Variants in POLR3H observed in about 807,000 individuals in gnomAD.
POLR3H encodes the protein RNA polymerase III subunit H, also known as DNA-directed RNA polymerase III subunit RPC8.
POLR3H carries 17 observed loss-of-function variants against 25.5 expected under a neutral mutation model. The ratio of observed to expected loss-of-function variants is 0.67; its 90% CI spans 0.46 to 1.00. The LOEUF (loss-of-function observed/expected upper bound fraction) is 1.00. POLR3H is among the 50% of genes least tolerant of loss of function. The probability of loss-of-function intolerance (pLI) is 0.00; values close to 1 mark genes in which losing one functional copy is unlikely to be tolerated. For missense variants in POLR3H, 274 were observed against 265.0 expected (o/e 1.03, Z -0.24); for synonymous variants, 129 against 103.0 (o/e 1.25, Z -1.53).
At position 41,526,884 on chromosome 22, in the gene POLR3H, G is replaced by T. The variant is rs992359581; in HGVS notation, c.*2399C>A. On this transcript the variant is annotated 3_prime_UTR_variant, in exon 6 of 6. Coordinates refer to ENST00000355209, the MANE Select transcript of POLR3H (RefSeq NM_001018050.4). The stretch of plus-strand genomic sequence containing the variant: ...CAAGTCCTGGCCCAGCCGGGTGAAA[G>T]GACTCTGGCACCCCCTGGTGGCTGG... 3.1e-6 allele frequency: 1 copy of T among 320,514 alleles called. No individual in the cohort carries two copies. Among genetic ancestry groups the T allele is most frequent in the Non-Finnish European group, 5.8e-6 (1 of 171,746 alleles). The allele number at this position is 320,514 out of a possible 1,614,324, so 19.9% of individuals were successfully genotyped here. A position where few individuals can be genotyped will look rare whatever the true frequency, so the allele number is the denominator to read the frequency against.
rs2066594586 is a variant in POLR3H, at chr22:41,526,290, T to TCTCAG, written c.*2988_*2992dup. The TCTCAG allele has an allele frequency of 6.2e-7, 1 of 1,612,290 alleles. No homozygotes were observed. Among genetic ancestry groups the TCTCAG allele is most frequent in the Non-Finnish European group, 8.5e-7 (1 of 1,180,018 alleles). ...AAAGGGAAGTGTACCACTGACCACA[T>TCTCAG]CTCAGCTGCTGGCCCCTGGCTCAAG... On this transcript the variant is annotated 3_prime_UTR_variant, in exon 6 of 6. Transcript: ENST00000355209.
At chr22:41,529,939 T>C (rs1177264945) in intron 5 of POLR3H, among the ~76,000 whole-genome samples, 3 of 151,562 alleles carry the variant, frequency 2.0e-5, no homozygotes, top group African/African-American at 7.3e-5. Flanking sequence ...GTATTTTTAG[T>C]AGAGATGGGG....
chr22:41,538,668 G>A (rs534002215), intron 2 of POLR3H, among the ~76,000 whole-genome samples: 2 of 152,124 alleles, frequency 1.3e-5, no homozygotes, highest in African/African-American at 4.8e-5. Context: ...GGCTCAGCTC[G>A]GCATCCTTCT....
upstream of POLR3H, chr22:41,544,531 C>A (rs1329995107): frequency 6.5e-6 from 1 of 153,208 alleles, no homozygotes; most frequent in African/African-American, 2.4e-5. Flanking sequence ...CCTCTGTCCA[C>A]CCCCACCCCG....
intron 2 of POLR3H, among the ~76,000 whole-genome samples, chr22:41,536,492 T>C (rs1601957191): frequency 6.6e-6 from 1 of 151,770 alleles, no homozygotes; most frequent in African/African-American, 2.4e-5. Context: ...AATGTTTAAA[T>C]TGGTAAATTT....
At position 41,544,357 on chromosome 22, in the gene POLR3H, GCCACGCCACT is replaced by G. The variant is rs977560575; in HGVS notation, c.-266_-257del. ...CGCCCGCGCCGCGAGACCCCGCCAC[GCCACGCCACT>G]CCACGCCACGCCACTCCACGCCCCG... On this transcript the variant is annotated 5_prime_UTR_variant, in exon 1 of 6. Transcript: ENST00000355209. 1 of 362,630 alleles carries G rather than the reference GCCACGCCACT, an allele frequency of 2.8e-6. No homozygotes were observed. The highest frequency in any genetic ancestry group is 5.0e-6 in the Non-Finnish European group (1 of 201,832). The allele number at this position is 362,630 out of a possible 1,614,324, so 22.5% of individuals were successfully genotyped here.
In POLR3H at chr22:41,527,472, G is replaced by C; in HGVS notation, c.*1811C>G. The C allele has an allele frequency of 1.3e-5, 20 of 1,561,064 alleles. No individual in the cohort carries two copies. The highest frequency in any genetic ancestry group is 1.6e-5 in the Non-Finnish European group (19 of 1,154,604). On this transcript the variant is annotated 3_prime_UTR_variant, in exon 6 of 6. Coordinates refer to ENST00000355209, the MANE Select transcript of POLR3H (RefSeq NM_001018050.4). Reference sequence around the variant, plus strand: ...TCCTCATCCCATCCCTAGTGATCAAGGTCACTCTCCCTGCCCGTGGCTGAG... The same window carrying C: ...TCCTCATCCCATCCCTAGTGATCAACGTCACTCTCCCTGCCCGTGGCTGAG...
rs1262048798 is a variant in POLR3H, at chr22:41,527,681, T to C, written c.*1602A>G. 2.5e-6 allele frequency: 2 copies of C among 802,022 alleles called. No homozygotes were observed. The highest frequency in any genetic ancestry group is 2.9e-5 in the Admixed American group (1 of 34,432). 49.7% of individuals were successfully genotyped at this position (802,022 alleles called of 1,614,324 possible). A position where few individuals can be genotyped will look rare whatever the true frequency, so the allele number is the denominator to read the frequency against. ...TGTGCCAGGGGGTTCTTTCTGATCA[T>C]GAATGTGCAGCAGGAAGGCCTCGCA... is the stretch of plus-strand genomic sequence containing the variant. On this transcript the variant is annotated 3_prime_UTR_variant, in exon 6 of 6. Transcript: ENST00000355209.
At chr22:41,543,617 T>C (rs956494830) in intron 1 of POLR3H, 3 of 374,560 alleles carry the variant, frequency 8.0e-6, no homozygotes, top group Admixed American at 3.5e-5. Context: ...CAAGACTCCG[T>C]CTCAAAAACA....
chr22:41,529,429 G>A (rs1320489988), intron 5 of POLR3H, 93 bp from the exon 6 acceptor site: 2 of 1,153,726 alleles, frequency 1.7e-6, no homozygotes, highest in Admixed American at 1.8e-5. Flanking sequence ...GCCCAGCACA[G>A]GCAAAGAAGA....
chr22:41,531,437 C>G (rs949994732), intron 4 of POLR3H, among the ~76,000 whole-genome samples: 2 of 152,254 alleles, frequency 1.3e-5, no homozygotes, highest in Non-Finnish European at 2.9e-5. Context: ...CAGGGCAGTC[C>G]CCCTTGGCTC....
Position 41,532,015 on chromosome 22 carries a change from G to A in POLR3H, c.359+79C>T, listed in dbSNP as rs971817206. The A allele has an allele frequency of 4.5e-6, 6 of 1,341,406 alleles. No individual in the cohort carries two copies. In the South Asian group the frequency reaches 5.9e-5, roughly 13 times the overall value. 83.1% of individuals were successfully genotyped at this position (1,341,406 alleles called of 1,614,324 possible). ...TGACATCAGGTTACAGGCCCCAAAG[G>A]CCACCCTAAGGAGTGGGGACCTTCC... On this transcript the variant is annotated intron_variant, in intron 4 of 5. Transcript: ENST00000355209.
chr22:41,532,580 C>A (rs1319671788), intron 3 of POLR3H, 79 bp downstream of exon 3: 2 of 1,610,710 alleles, frequency 1.2e-6, no homozygotes, highest in East Asian at 2.2e-5. Context: ...GAGCCCTCCC[C>A]TGACCATGTG....
At chr22:41,541,594 C>G (rs1315022891) in intron 1 of POLR3H, among the ~76,000 whole-genome samples, 1 of 152,256 alleles carries the variant, frequency 6.6e-6, no homozygotes, top group Non-Finnish European at 1.5e-5. Context: ...GCCACAAGAT[C>G]TGTGCCCTTT....
At chr22:41,532,538 G>A (rs1192689802) in intron 3 of POLR3H, 121 bp downstream of exon 3, 1 of 1,555,370 alleles carries the variant, frequency 6.4e-7, no homozygotes, top group African/African-American at 1.4e-5. Context: ...AAGCTTCTCT[G>A]ACACCACGGG....
chr22:41,532,297 C>T, intron 3 of POLR3H, 140 bp from the exon 4 acceptor site: 3 of 829,354 alleles, frequency 3.6e-6, no homozygotes, highest in Non-Finnish European at 5.9e-6. Context: ...TAGGCCCCTT[C>T]CCCACCTAAT....
In POLR3H at chr22:41,528,270, C is replaced by T. The variant is rs1165658081; in HGVS notation, c.*1013G>A. ...AGGACCTGGCACTCAGGGGACAGCC[C>T]ACCCACTGCAGGACCCTCTGGGCCC... On this transcript the variant is annotated 3_prime_UTR_variant, in exon 6 of 6. Coordinates refer to ENST00000355209, the MANE Select transcript of POLR3H (RefSeq NM_001018050.4). The T allele has an allele frequency of 2.4e-6, 2 of 847,634 alleles. No individual in the cohort carries two copies. The highest frequency in any genetic ancestry group is 3.6e-6 in the Non-Finnish European group (2 of 561,410). The allele number at this position is 847,634 out of a possible 1,614,324, so 52.5% of individuals were successfully genotyped here.
chr22:41,538,415 C>T (rs754912253), intron 2 of POLR3H, among the ~76,000 whole-genome samples: 2 of 152,036 alleles, frequency 1.3e-5, no homozygotes, highest in African/African-American at 2.4e-5. Context: ...AGTGAGCCAT[C>T]GTGCCTGGCT....
chr22:41,532,461 A>G, intron 3 of POLR3H, 198 bp downstream of exon 3: 1 of 960,854 alleles, frequency 1.0e-6, no homozygotes, highest in Non-Finnish European at 1.5e-6. Context: ...GTCCTGAGTG[A>G]CGGCCTCACA....
Sources: allele counts gnomAD v4.1 joint callset (sites outside exome capture counted in the v4.1 genomes callset), GRCh38; gene constraint gnomAD v4.1.1; transcripts MANE v1.5; gene names NCBI Gene and HGNC (gene_info 2026-07-23, HGNC 2026-07-21).